Variants in PRKG1 observed in about 807,000 individuals in gnomAD.
PRKG1 encodes the protein cGMP-dependent protein kinase 1.
PRKG1 carries 35 observed loss-of-function variants against 88.1 expected under a neutral mutation model. That is an observed-to-expected ratio of 0.40 (90% CI 0.30 to 0.53). The LOEUF is 0.53. Among genes scored for constraint, PRKG1 ranks in the 20% least tolerant of loss-of-function variants. PRKG1 has a pLI of 0.59. For synonymous variants in PRKG1, 303 were observed against 292.5 expected, an observed-to-expected ratio of 1.04 and a Z score of -0.37; for missense variants, 540 against 839.8, an observed-to-expected ratio of 0.64 and a Z score of 4.41.
At chr10:52,090,826 G>A (rs1219107029) in intron 7 of PRKG1, among the ~76,000 whole-genome samples, 2 of 152,126 alleles carry the variant, frequency 1.3e-5, no homozygotes, top group Non-Finnish European at 2.9e-5. Context: ...GAGTATTGAG[G>A]TATAAATAAA....
At position 52,067,958 on chromosome 10, in the gene PRKG1, A is replaced by T. The variant is rs1217016714; in HGVS notation, c.935+5327A>T. The stretch of plus-strand genomic sequence containing the variant: ...AGTGGCTCACGCCTGTAATCCCAGC[A>T]CTTTGGGAGGCCGAGACGGGCGGAT... On this transcript the variant is annotated intron_variant, in intron 7 of 17. Coordinates refer to ENST00000373980, the MANE Select transcript of PRKG1 (RefSeq NM_006258.4). Among the ~76,000 whole-genome samples the T allele has an allele frequency of 6.0e-4, 63 of 105,064 alleles. 11 individuals carry two copies. The highest frequency in any genetic ancestry group is 1.8e-3 in the Admixed American group (18 of 9,792). 68.9% of individuals were successfully genotyped at this position (105,064 alleles called of 152,430 possible).
rs542608917 is a variant in PRKG1 at position 51,970,391 on chromosome 10, CT to C, written c.762+62830del. 3.6e-3 allele frequency among the ~76,000 whole-genome samples: 536 copies of C among 149,742 alleles called. 3 individuals carry two copies. The highest frequency in any genetic ancestry group is 5.7e-3 in the Non-Finnish European group (386 of 67,184). ...CTTTAATCTAGAACATTTCTACAACCTTTTTTTTTGTCTTTTATGACATTAT... is the reference window on the plus strand; with the variant it reads ...CTTTAATCTAGAACATTTCTACAACCTTTTTTTTGTCTTTTATGACATTAT... On this transcript the variant is annotated intron_variant, in intron 5 of 17. Transcript: ENST00000373980.
chr10:51,059,397 CATTT>C (rs748751359), intron 1 of PRKG1, among the ~76,000 whole-genome samples: 26 of 151,542 alleles, frequency 1.7e-4, no homozygotes, highest in Non-Finnish European at 3.1e-4. Flanking sequence ...TTCATTTATT[CATTT>C]ATTTATTTTT....
rs79778615 is a variant in PRKG1 at position 51,423,733 on chromosome 10, T to A, written c.479-43990T>A. On this transcript the variant is annotated intron_variant, in intron 2 of 17. Transcript: ENST00000373980. Reference sequence around the variant, plus strand: ...TTATTATTCCAACCTCCTGAGGGTTTATCTGGAAGGCTAAGATGAATATTT... The same window carrying A: ...TTATTATTCCAACCTCCTGAGGGTTAATCTGGAAGGCTAAGATGAATATTT... Among the ~76,000 whole-genome samples, 837 of 152,310 alleles carry A rather than the reference T, an allele frequency of 5.5e-3. 10 individuals carry two copies. Among genetic ancestry groups the A allele is most frequent in the African/African-American group, 0.019 (787 of 41,574 alleles).
chr10:51,217,974 C>T (rs1838415051), intron 2 of PRKG1, among the ~76,000 whole-genome samples: 1 of 152,110 alleles, frequency 6.6e-6, no homozygotes, highest in South Asian at 2.1e-4. Flanking sequence ...ATTAACATCT[C>T]ATAATTCACT....
At chr10:51,459,588 G>A (rs293287) in intron 2 of PRKG1, among the ~76,000 whole-genome samples, 53,562 of 151,922 alleles carry the variant, frequency 0.35, 10,502 homozygotes, top group African/African-American at 0.51. Context: ...ATCTAATTCA[G>A]TTATCATAAC....
intron 2 of PRKG1, among the ~76,000 whole-genome samples, chr10:51,193,946 C>T (rs1218396843): frequency 6.6e-6 from 1 of 152,162 alleles, no homozygotes; most frequent in African/African-American, 2.4e-5. Context: ...CACTGCAAGA[C>T]TCTTGCTGGG....
intron 3 of PRKG1, among the ~76,000 whole-genome samples, chr10:51,618,299 C>G (rs1434022923): frequency 6.6e-6 from 1 of 152,068 alleles, no homozygotes; most frequent in Non-Finnish European, 1.5e-5. Flanking sequence ...TAGCCATGGT[C>G]CAGAAAATTA....
intron 3 of PRKG1, among the ~76,000 whole-genome samples, chr10:51,750,812 T>A (rs1437537449): frequency 6.6e-6 from 1 of 152,194 alleles, no homozygotes; most frequent in Non-Finnish European, 1.5e-5. Context: ...ATACGTAAGT[T>A]GTATTTGTGA....
chr10:52,149,553 GAA>G, intron 8 of PRKG1, among the ~76,000 whole-genome samples: 1 of 152,178 alleles, frequency 6.6e-6, no homozygotes, highest in Middle Eastern at 3.4e-3. Flanking sequence ...TGGAAGCCAG[GAA>G]AAGACACCAA....
rs986611738 is a variant in PRKG1, at chr10:52,232,746, A to G, written c.1077-18824A>G. ...CCCCTCCCTATGGCTTCACACACTA[A>G]GTCCCTCAACTTCCTCCTAGCATAC... On this transcript the variant is annotated intron_variant, in intron 9 of 17. Coordinates refer to ENST00000373980, the MANE Select transcript of PRKG1 (RefSeq NM_006258.4). Among the ~76,000 whole-genome samples the G allele has an allele frequency of 4.6e-5, 7 of 152,272 alleles. No homozygotes were observed. The Middle Eastern group carries it at 0.01, about 222-fold the overall frequency.
chr10:51,702,404 A>T (rs1248394848), intron 3 of PRKG1, among the ~76,000 whole-genome samples: 1 of 152,188 alleles, frequency 6.6e-6, no homozygotes, highest in Non-Finnish European at 1.5e-5. Context: ...AGATAAACCT[A>T]TGTATATTTC....
chr10:51,087,391 A>G (rs545279907), intron 1 of PRKG1, among the ~76,000 whole-genome samples: 4 of 152,334 alleles, frequency 2.6e-5, no homozygotes, highest in East Asian at 1.9e-4. Context: ...TCTCACAGCA[A>G]TCTGATAAAG....
chr10:52,080,100 C>G (rs1846733783), intron 7 of PRKG1, among the ~76,000 whole-genome samples: 1 of 152,190 alleles, frequency 6.6e-6, no homozygotes, highest in Admixed American at 6.5e-5. Context: ...TTATCTACCA[C>G]TATACTAGAA....
chr10:52,213,979 A>T (rs1840048414), intron 9 of PRKG1, among the ~76,000 whole-genome samples: 1 of 152,218 alleles, frequency 6.6e-6, no homozygotes. Flanking sequence ...TTTTTAGAAA[A>T]TAAAATGTAT....
intron 2 of PRKG1, among the ~76,000 whole-genome samples, chr10:51,420,422 C>T (rs1838376828): frequency 6.6e-6 from 1 of 152,096 alleles, no homozygotes; most frequent in South Asian, 2.1e-4. Context: ...AGTTGATGCC[C>T]AGGATGACTG....
At chr10:52,004,387 T>C (rs1008259922) in intron 5 of PRKG1, among the ~76,000 whole-genome samples, 16 of 152,268 alleles carry the variant, frequency 1.1e-4, no homozygotes, top group South Asian at 8.3e-4. Flanking sequence ...TCCTAAAATA[T>C]ATTAAAACAA....
chr10:51,191,023 G>A (rs16915124), intron 2 of PRKG1, among the ~76,000 whole-genome samples: 5,263 of 151,816 alleles, frequency 0.035, 299 homozygotes, highest in African/African-American at 0.12. Context: ...GAATGCTTTG[G>A]CTAATACAGT....
At chr10:51,624,077 A>T (rs1242093130) in intron 3 of PRKG1, among the ~76,000 whole-genome samples, 2 of 152,208 alleles carry the variant, frequency 1.3e-5, no homozygotes, top group Admixed American at 6.5e-5. Context: ...AAATGACAGA[A>T]AAGTGACTCT....
Sources: gnomAD v4.1 joint callset for allele counts (sites outside exome capture counted in the v4.1 genomes callset) on GRCh38, gnomAD v4.1.1 for gene constraint, MANE v1.5 for transcripts, NCBI Gene and HGNC (gene_info 2026-07-23, HGNC 2026-07-21) for gene names.